CRYL1: variants seen among roughly 807,000 people sequenced by gnomAD.
The protein encoded by CRYL1 is crystallin lambda 1, also known as lambda-crystallin homolog.
A neutral mutation model predicts 36.6 loss-of-function variants in CRYL1; 29 were observed. The observed-to-expected ratio is 0.79, with a 90% confidence interval of 0.59 to 1.08. CRYL1 has a LOEUF of 1.08. Among genes scored for constraint, CRYL1 ranks in the 50% least tolerant of loss-of-function variants. The pLI, the probability that CRYL1 is intolerant of heterozygous loss-of-function variation, is 0.00. For missense variants in CRYL1, 411 were observed against 407.9 expected (o/e 1.01, Z -0.06); for synonymous variants, 152 against 151.5 (o/e 1.00, Z -0.02).
chr13:20,487,878 G>T (rs2033431779), intron 3 of CRYL1, among the ~76,000 whole-genome samples: 1 of 152,182 alleles, frequency 6.6e-6, no homozygotes, highest in African/African-American at 2.4e-5. Context: ...AAGGCCAGCG[G>T]ATCACTTGAG....
intron 3 of CRYL1, among the ~76,000 whole-genome samples, chr13:20,441,865 T>C (rs933059576): frequency 2.6e-5 from 4 of 152,056 alleles, no homozygotes; most frequent in African/African-American, 9.7e-5. Flanking sequence ...TTTTCAAAAA[T>C]ATAATCAAAC....
chr13:20,488,454 G>A (rs1385122816), intron 3 of CRYL1, among the ~76,000 whole-genome samples: 2 of 152,186 alleles, frequency 1.3e-5, no homozygotes, highest in African/African-American at 2.4e-5. Flanking sequence ...TTAGCAAATT[G>A]AGAATTTAAC....
Position 20,404,250 on chromosome 13 carries a change from A to G in CRYL1, c.847-8T>C, listed in dbSNP as rs1555225552. ...GACCTTCATGCACATGTCCTGCAAGAAGGAGAAGGAAAAAAAAGGACAATA... is the reference window on the plus strand; with the variant it reads ...GACCTTCATGCACATGTCCTGCAAGGAGGAGAAGGAAAAAAAAGGACAATA... On this transcript the variant is annotated splice_polypyrimidine_tract_variant and splice_region_variant and intron_variant, in intron 7 of 7. Coordinates refer to ENST00000298248, the MANE Select transcript of CRYL1 (RefSeq NM_015974.3). 2.6e-6 allele frequency: 4 copies of G among 1,563,544 alleles called. No homozygotes were observed. The East Asian group carries it at 9.0e-5, about 35-fold the overall frequency.
chr13:20,436,016 C>A (rs1287585242), intron 4 of CRYL1, among the ~76,000 whole-genome samples: 1 of 152,238 alleles, frequency 6.6e-6, no homozygotes, highest in African/African-American at 2.4e-5. Flanking sequence ...ACGCACAGAG[C>A]ACGGGCGCTT....
intron 6 of CRYL1, among the ~76,000 whole-genome samples, chr13:20,409,859 C>T (rs2031474285): frequency 1.3e-5 from 2 of 152,088 alleles, no homozygotes; most frequent in Admixed American, 1.3e-4. Context: ...GTTAGAATGG[C>T]AATCATTAAA....
chr13:20,439,278 G>A (rs2032298758), intron 4 of CRYL1, among the ~76,000 whole-genome samples: 1 of 152,104 alleles, frequency 6.6e-6, no homozygotes, highest in African/African-American at 2.4e-5. Flanking sequence ...ACTTGGGGGT[G>A]AAGGCCTCAA....
intron 5 of CRYL1, among the ~76,000 whole-genome samples, chr13:20,420,812 T>C (rs1222859376): frequency 1.3e-5 from 2 of 148,790 alleles, no homozygotes; most frequent in East Asian, 4.0e-4. Context: ...CGCAACTCAC[T>C]GCGACCTCCG....
Position 20,525,811 on chromosome 13 carries a change from CG to C in CRYL1, c.-18del. 1 of 1,232,570 alleles carries C rather than the reference CG, an allele frequency of 8.1e-7. No homozygotes were observed. Among genetic ancestry groups the C allele is most frequent in the African/African-American group, 1.6e-5 (1 of 63,954 alleles). The allele number at this position is 1,232,570 out of a possible 1,614,324, so 76.4% of individuals were successfully genotyped here. A position where few individuals can be genotyped will look rare whatever the true frequency, so the allele number is the denominator to read the frequency against. On this transcript the variant is annotated 5_prime_UTR_variant, in exon 1 of 8. Transcript: ENST00000298248. This position sits in a 1 kb window ranked among gnomAD's most constrained non-coding sequence, Gnocchi z 4.3. ...GGACGCCATGGTTGGGCCGGGGACG[CG>C]GCGCCGCGGGCGCTGGGACCAGGCG... is the stretch of plus-strand genomic sequence containing the variant.
intron 3 of CRYL1, among the ~76,000 whole-genome samples, chr13:20,441,196 C>G (rs1212820259): frequency 2.0e-5 from 3 of 152,176 alleles, no homozygotes; most frequent in African/African-American, 4.8e-5. Flanking sequence ...GAGAATGACT[C>G]TCAGTGTGGT....
intron 2 of CRYL1, among the ~76,000 whole-genome samples, chr13:20,497,117 A>G (rs1395536390): frequency 6.6e-6 from 1 of 152,058 alleles, no homozygotes; most frequent in African/African-American, 2.4e-5. Context: ...AGGTGACAAG[A>G]GTTTACTGAA....
At chr13:20,524,785 A>T (rs1053748302) in intron 1 of CRYL1, among the ~76,000 whole-genome samples, 1 of 152,074 alleles carries the variant, frequency 6.6e-6, no homozygotes, top group African/African-American at 2.4e-5. Flanking sequence ...AAAGCTGACA[A>T]CAAGGAATCT....
At chr13:20,465,171 T>G in intron 3 of CRYL1, among the ~76,000 whole-genome samples, 1 of 152,224 alleles carries the variant, frequency 6.6e-6, no homozygotes, top group Non-Finnish European at 1.5e-5. Flanking sequence ...ATCAGACTTT[T>G]AAATATCCCA....
chr13:20,427,226 G>C (rs571381066), intron 5 of CRYL1: 4 of 985,346 alleles, frequency 4.1e-6, no homozygotes, highest in African/African-American at 1.7e-5. Flanking sequence ...GGGGAAGTAA[G>C]TGTCAGTAGA....
intron 2 of CRYL1, among the ~76,000 whole-genome samples, chr13:20,501,015 C>T (rs148050946): frequency 1.3e-5 from 2 of 152,138 alleles, no homozygotes; most frequent in African/African-American, 4.8e-5. Context: ...CCTTGCCCCC[C>T]CCTAGTTCCT....
chr13:20,496,670 G>C (rs2033609292), intron 2 of CRYL1, among the ~76,000 whole-genome samples: 1 of 63,014 alleles, frequency 1.6e-5, no homozygotes, highest in Admixed American at 2.4e-4. Context: ...CAACACTTTG[G>C]GAGGCCGAGG....
intron 3 of CRYL1, among the ~76,000 whole-genome samples, chr13:20,451,779 C>G (rs2032576349): frequency 6.6e-6 from 1 of 152,140 alleles, no homozygotes; most frequent in South Asian, 2.1e-4. Context: ...AATCCCATTA[C>G]TGGGTATCCA....
At chr13:20,449,196 T>C (rs974468877) in intron 3 of CRYL1, among the ~76,000 whole-genome samples, 1 of 152,142 alleles carries the variant, frequency 6.6e-6, no homozygotes, top group African/African-American at 2.4e-5. Flanking sequence ...GTAAAATAAA[T>C]GTTTTCCTGT....
At chr13:20,446,434 T>C (rs868220351) in intron 3 of CRYL1, among the ~76,000 whole-genome samples, 20 of 152,336 alleles carry the variant, frequency 1.3e-4, no homozygotes, top group Admixed American at 3.3e-4. Context: ...GTGGACTAGT[T>C]TGAATGACAT....
At chr13:20,429,280 C>G (rs142134387) in intron 5 of CRYL1, among the ~76,000 whole-genome samples, 1 of 152,342 alleles carries the variant, frequency 6.6e-6, no homozygotes, top group East Asian at 1.9e-4. Context: ...TTGAGGCAAA[C>G]TTGGAAAACA....
Sources: gnomAD v4.1 joint callset for allele counts (sites outside exome capture counted in the v4.1 genomes callset) on GRCh38, gnomAD v4.1.1 for gene constraint, Gnocchi (gnomAD v3.1) non-coding constraint, MANE v1.5 for transcripts, NCBI Gene and HGNC (gene_info 2026-07-23, HGNC 2026-07-21) for gene names.